The following GRID1 variants were observed in gnomAD, a reference collection of about 807,000 sequenced individuals.
GRID1 encodes the protein glutamate receptor ionotropic, delta-1.
GRID1 carries 28 observed loss-of-function variants against 98.0 expected under a neutral mutation model. The observed-to-expected ratio is 0.29, with a 90% CI of 0.21 to 0.39. GRID1 has a LOEUF of 0.39. Ranked by LOEUF, GRID1 falls within the 10% of genes least tolerant of loss-of-function variation. GRID1 has a pLI of 1.00. For synonymous variants in GRID1, 553 were observed against 538.5 expected (o/e 1.03, Z -0.37); for missense variants, 1,111 against 1,340.5 (o/e 0.83, Z 2.67).
chr10:86,007,159 A>T (rs1842871026), intron 4 of GRID1, among the ~76,000 whole-genome samples: 1 of 152,254 alleles, frequency 6.6e-6, no homozygotes, highest in Non-Finnish European at 1.5e-5. Flanking sequence ...AGGTGATAAG[A>T]AAATTAAACG....
At chr10:86,103,628 G>C (rs934331179) in intron 4 of GRID1, among the ~76,000 whole-genome samples, 2 of 152,206 alleles carry the variant, frequency 1.3e-5, no homozygotes, top group African/African-American at 4.8e-5. Flanking sequence ...CCTTCTTAGG[G>C]GACAGGAACA....
intron 13 of GRID1, among the ~76,000 whole-genome samples, chr10:85,627,715 G>A (rs1842927975): frequency 6.6e-6 from 1 of 152,164 alleles, no homozygotes; most frequent in South Asian, 2.1e-4. Context: ...CAGCTCTCCA[G>A]TGACCCTACT....
rs562467834 is a variant in GRID1, at chr10:85,600,226, A to C, written c.*2047T>G. On this transcript the variant is annotated 3_prime_UTR_variant, in exon 16 of 16. Coordinates refer to ENST00000327946, the MANE Select transcript of GRID1 (RefSeq NM_017551.3). ...CTCTTCCTCGGGGTCATGGTAGCCCACCTAGGCTTCTCTGAGCATGCCTGG... is the reference window on the plus strand; with the variant it reads ...CTCTTCCTCGGGGTCATGGTAGCCCCCCTAGGCTTCTCTGAGCATGCCTGG... The C allele has an allele frequency of 1.3e-5, 2 of 152,364 alleles. No individual in the cohort carries two copies. The highest frequency in any genetic ancestry group is 1.3e-4 in the Admixed American group (2 of 15,284). 9.4% of individuals were successfully genotyped at this position (152,364 alleles called of 1,614,324 possible).
At chr10:85,842,881 T>C (rs1224427386) in intron 8 of GRID1, among the ~76,000 whole-genome samples, 1 of 152,100 alleles carries the variant, frequency 6.6e-6, no homozygotes, top group African/African-American at 2.4e-5. Flanking sequence ...TGTTCCTACA[T>C]ATTTTATGAG....
chr10:85,672,755 C>G (rs1841101432), intron 12 of GRID1, among the ~76,000 whole-genome samples: 1 of 151,886 alleles, frequency 6.6e-6, no homozygotes, highest in Non-Finnish European at 1.5e-5. Context: ...CATTGACAAG[C>G]ACCTGGCTAC....
At chr10:86,051,957 C>T (rs960240250) in intron 4 of GRID1, among the ~76,000 whole-genome samples, 35 of 152,196 alleles carry the variant, frequency 2.3e-4, no homozygotes, top group Admixed American at 1.5e-3. Flanking sequence ...TATAGATACA[C>T]TTGCAAAAAT....
At chr10:86,074,197 C>A (rs1843845839) in intron 4 of GRID1, among the ~76,000 whole-genome samples, 1 of 152,186 alleles carries the variant, frequency 6.6e-6, no homozygotes, top group African/African-American at 2.4e-5. Context: ...GTCCATCACC[C>A]AAGCACAATA....
chr10:85,769,327 A>C (rs962495239), intron 8 of GRID1, among the ~76,000 whole-genome samples: 1 of 152,232 alleles, frequency 6.6e-6, no homozygotes, highest in Non-Finnish European at 1.5e-5. Flanking sequence ...ATGAATATAA[A>C]GATGGCAGGA....
chr10:86,129,102 G>C (rs1442614310), intron 4 of GRID1, among the ~76,000 whole-genome samples: 1 of 152,144 alleles, frequency 6.6e-6, no homozygotes. Context: ...CGGGTGCCTG[G>C]GAGGTTGTAG....
intron 4 of GRID1, among the ~76,000 whole-genome samples, chr10:86,113,207 A>G (rs1242075248): frequency 1.3e-5 from 2 of 152,190 alleles, no homozygotes; most frequent in Non-Finnish European, 2.9e-5. Flanking sequence ...CAAACCCTCC[A>G]ATGACTTCCC....
chr10:86,000,633 A>G (rs1192397830), intron 4 of GRID1, among the ~76,000 whole-genome samples: 1 of 152,208 alleles, frequency 6.6e-6, no homozygotes, highest in African/African-American at 2.4e-5. Context: ...AATATAGCCA[A>G]TTGGTTTTAA....
intron 4 of GRID1, among the ~76,000 whole-genome samples, chr10:85,924,651 T>C (rs1373152190): frequency 6.6e-6 from 1 of 152,214 alleles, no homozygotes; most frequent in East Asian, 1.9e-4. Context: ...TGTTCAGCAT[T>C]AGACTTTTTT....
chr10:86,215,754 C>G (rs1427165849), intron 2 of GRID1, among the ~76,000 whole-genome samples: 1 of 152,198 alleles, frequency 6.6e-6, no homozygotes, highest in Admixed American at 6.5e-5. Flanking sequence ...CTGTATTCCT[C>G]CCCTATCAGC....
chr10:85,834,811 A>G (rs1842898380), intron 8 of GRID1, among the ~76,000 whole-genome samples: 1 of 152,172 alleles, frequency 6.6e-6, no homozygotes, highest in Non-Finnish European at 1.5e-5. Flanking sequence ...AAACAGAGGA[A>G]ATAAACAATT....
In GRID1 at chr10:85,869,237, G is replaced by T. The variant is rs565852230; in HGVS notation, c.781-57C>A. On this transcript the variant is annotated intron_variant, in intron 5 of 15. Transcript: ENST00000327946. ...CCACTCATGAACTATCTCTGCAAGA[G>T]ACCTATCAGGAGGCATCTAGGCCAG... 129 of 1,489,936 alleles carry T rather than the reference G, an allele frequency of 8.7e-5. No homozygotes were observed. In the African/African-American group the frequency reaches 1.3e-3, roughly 15 times the overall value. 92.3% of individuals were successfully genotyped at this position (1,489,936 alleles called of 1,614,324 possible). A position where few individuals can be genotyped will look rare whatever the true frequency, so the allele number is the denominator to read the frequency against.
intron 4 of GRID1, among the ~76,000 whole-genome samples, chr10:86,096,920 C>T (rs1383078635): frequency 6.6e-6 from 1 of 152,216 alleles, no homozygotes; most frequent in East Asian, 1.9e-4. Context: ...GCACCACTTA[C>T]CATTACCCCA....
In GRID1 at chr10:85,647,284, G is replaced by C; in HGVS notation, c.2111C>G (p.Thr704Arg). The change falls in exon 13 of 16, where the codon ACG (threonine) becomes AGG (arginine). Residue 704 changes from threonine (T) to arginine (R), a missense_variant. By Grantham distance (71) the Thr-to-Arg change is moderately conservative. Transcript: ENST00000327946. The part of the protein sequence containing the change: ...KGTNPLEQDS[T>R]FAELWRTISK... ...GATGGTCCGCCAGAGTTCAGCAAAC[G>C]TGCTGTCCTGCTCCAGGGGGTTGGT... The C allele has an allele frequency of 6.8e-6, 11 of 1,614,222 alleles. No individual in the cohort carries two copies. Among genetic ancestry groups the C allele is most frequent in the Non-Finnish European group, 9.3e-6 (11 of 1,180,014 alleles).
chr10:86,009,821 T>C (rs541559947), intron 4 of GRID1, among the ~76,000 whole-genome samples: 1 of 152,098 alleles, frequency 6.6e-6, no homozygotes, highest in East Asian at 1.9e-4. Flanking sequence ...GACACCGGAA[T>C]GGAGAAAAAG....
intron 2 of GRID1, among the ~76,000 whole-genome samples, chr10:86,244,546 C>T (rs576168629): frequency 6.6e-6 from 1 of 152,256 alleles, no homozygotes; most frequent in Non-Finnish European, 1.5e-5. Flanking sequence ...CTAAGCAGCG[C>T]GCCTGCAAGG....
Sources: allele counts gnomAD v4.1 joint callset (sites outside exome capture counted in the v4.1 genomes callset), GRCh38; gene constraint gnomAD v4.1.1; transcripts MANE v1.5; gene names NCBI Gene and HGNC (gene_info 2026-07-23, HGNC 2026-07-21).